The following SLC9B2 variants were observed in gnomAD, a reference collection of about 807,000 sequenced individuals.
SLC9B2 encodes the protein solute carrier family 9 member B2.
Under a neutral mutation model 52.2 loss-of-function variants are expected in SLC9B2, and 39 were observed. The ratio of observed to expected loss-of-function variants is 0.75; its 90% confidence interval spans 0.58 to 0.98. The LOEUF (loss-of-function observed/expected upper bound fraction) is 0.98. SLC9B2 is among the 50% of genes least tolerant of loss of function. SLC9B2 has a pLI of 0.00. For synonymous variants in SLC9B2, 214 were observed against 227.0 expected (o/e 0.94, Z 0.51); for missense variants, 626 against 637.5 (o/e 0.98, Z 0.19).
At chr4:103,034,592 A>G (rs573201997) in intron 9 of SLC9B2, among the ~76,000 whole-genome samples, 1 of 152,196 alleles carries the variant, frequency 6.6e-6, no homozygotes, top group Admixed American at 6.6e-5. Flanking sequence ...TAAGAAACTC[A>G]AACAAATCAA....
chr4:103,029,590 G>C (rs1045289396), intron 10 of SLC9B2, among the ~76,000 whole-genome samples: 1 of 152,104 alleles, frequency 6.6e-6, no homozygotes, highest in East Asian at 1.9e-4. Context: ...AACATACACA[G>C]CTACTCCATT....
chr4:103,071,181 GATATAT>G (rs1000501906), intron 1 of SLC9B2, among the ~76,000 whole-genome samples: 1 of 150,688 alleles, frequency 6.6e-6, no homozygotes, highest in Non-Finnish European at 1.5e-5. Flanking sequence ...TATGTAATTT[GATATAT>G]ATATATATTT....
At chr4:103,050,895 G>A (rs1413646949) in intron 4 of SLC9B2, among the ~76,000 whole-genome samples, 1 of 152,208 alleles carries the variant, frequency 6.6e-6, no homozygotes, top group Non-Finnish European at 1.5e-5. Flanking sequence ...GTCAGCTGGT[G>A]ACTCTTCTTT....
chr4:103,065,526 T>G, intron 3 of SLC9B2: 1 of 152,156 alleles, frequency 6.6e-6, no homozygotes, highest in South Asian at 2.1e-4. Context: ...TAAAATAAAT[T>G]TTAAGTCTCA....
At chr4:103,058,959 C>G (rs374646926) in intron 3 of SLC9B2, among the ~76,000 whole-genome samples, 1 of 151,784 alleles carries the variant, frequency 6.6e-6, no homozygotes, top group Admixed American at 6.6e-5. Context: ...CCCAGCTACT[C>G]GGGAAGCTGA....
At chr4:103,019,840 T>C (rs1741667365), downstream of SLC9B2, 1 of 985,808 alleles carries the variant, frequency 1.0e-6, no homozygotes. Context: ...TTCTGTCTAT[T>C]GAACCCTTTC....
At chr4:103,043,763 T>C (rs7656817) in intron 8 of SLC9B2, among the ~76,000 whole-genome samples, 1 of 152,202 alleles carries the variant, frequency 6.6e-6, no homozygotes, top group African/African-American at 2.4e-5. Context: ...GTTAAATTTA[T>C]AGTTTTTATA....
chr4:103,058,228 C>G (rs1160753754), intron 3 of SLC9B2, among the ~76,000 whole-genome samples: 4 of 152,162 alleles, frequency 2.6e-5, no homozygotes, highest in Admixed American at 1.3e-4. Context: ...CAGAAGGAAC[C>G]ATTATTTTGA....
At chr4:103,027,263 C>T (rs1742306965) in intron 11 of SLC9B2, among the ~76,000 whole-genome samples, 1 of 152,084 alleles carries the variant, frequency 6.6e-6, no homozygotes, top group Non-Finnish European at 1.5e-5. Flanking sequence ...CTCCTTTTAT[C>T]TTTAGGAATG....
At chr4:103,073,204 G>A (rs1375521822) in intron 1 of SLC9B2, among the ~76,000 whole-genome samples, 2 of 152,100 alleles carry the variant, frequency 1.3e-5, no homozygotes, top group Non-Finnish European at 2.9e-5. Flanking sequence ...TAACAAAAAT[G>A]GACTAAGACA....
At chr4:103,056,584 T>C (rs984243299) in intron 4 of SLC9B2, among the ~76,000 whole-genome samples, 1 of 152,234 alleles carries the variant, frequency 6.6e-6, no homozygotes, top group Non-Finnish European at 1.5e-5. Flanking sequence ...GGTGTGCTGG[T>C]AAATGCTTAA....
intron 4 of SLC9B2, among the ~76,000 whole-genome samples, chr4:103,055,132 G>T (rs113652069): frequency 1.6e-4 from 24 of 151,540 alleles, no homozygotes; most frequent in Admixed American, 7.9e-4. Context: ...GCAAACTATT[G>T]CAAGGACAAA....
At position 103,043,446 on chromosome 4, in the gene SLC9B2, C is replaced by G. The variant is rs189641708; in HGVS notation, c.997-1G>C. 3.2e-6 allele frequency: 5 copies of G among 1,587,074 alleles called. No homozygotes were observed. Among genetic ancestry groups the G allele is most frequent in the Non-Finnish European group, 4.3e-6 (5 of 1,170,812 alleles). On this transcript the variant is annotated splice_acceptor_variant, in intron 8 of 11. Coordinates refer to ENST00000394785, the MANE Select transcript of SLC9B2 (RefSeq NM_178833.7). LOFTEE classifies it high-confidence loss of function. ...ATGTTCTCTTACACACAAGTTTGTC[C>G]TTTAGGAGAAAAAAATTCATTTGCT... is the stretch of plus-strand genomic sequence containing the variant.
intron 1 of SLC9B2, among the ~76,000 whole-genome samples, chr4:103,072,438 G>C (rs753671335): frequency 2.0e-5 from 3 of 152,194 alleles, no homozygotes; most frequent in Non-Finnish European, 4.4e-5. Context: ...CGACTAAGGT[G>C]GCGCTGCAGG....
At chr4:103,029,113 T>C (rs1392023847) in intron 10 of SLC9B2, among the ~76,000 whole-genome samples, 1 of 152,178 alleles carries the variant, frequency 6.6e-6, no homozygotes, top group Non-Finnish European at 1.5e-5. Flanking sequence ...ATTAAGCATA[T>C]TTGAATTCTT....
intron 6 of SLC9B2, among the ~76,000 whole-genome samples, chr4:103,047,440 C>A (rs567449413): frequency 1.3e-5 from 2 of 149,954 alleles, no homozygotes; most frequent in East Asian, 2.0e-4. Flanking sequence ...ATGTGTACAA[C>A]GTGCAGGTTT....
At chr4:103,021,304 G>A (rs1741776369), downstream of SLC9B2, among the ~76,000 whole-genome samples, 1 of 152,100 alleles carries the variant, frequency 6.6e-6, no homozygotes, top group Non-Finnish European at 1.5e-5. Flanking sequence ...AGGCCAGAGG[G>A]CTCAGGCTGG....
rs147474994 is a variant in SLC9B2 at position 103,045,881 on chromosome 4, G to A, written c.890-885C>T. The stretch of plus-strand genomic sequence containing the variant: ...CAGGTAATTCTAGTGTGATGGTAAG[G>A]CTGAGAACAATTGTTTTAAAGGTAT... On this transcript the variant is annotated intron_variant, in intron 7 of 11. Transcript: ENST00000394785. Among the ~76,000 whole-genome samples the A allele has an allele frequency of 8.2e-3, 1,253 of 152,220 alleles. 68 individuals are homozygous for A. The highest frequency in any genetic ancestry group is 0.072 in the Admixed American group (1,096 of 15,270).
Position 103,057,988 on chromosome 4 carries a change from A to C in SLC9B2, c.272-17T>G, listed in dbSNP as rs781351959. 6.3e-7 allele frequency: 1 copy of C among 1,594,502 alleles called. No homozygotes were observed. The highest frequency in any genetic ancestry group is 1.1e-5 in the South Asian group (1 of 86,996). On this transcript the variant is annotated splice_polypyrimidine_tract_variant and intron_variant, in intron 3 of 11. Coordinates refer to ENST00000394785, the MANE Select transcript of SLC9B2 (RefSeq NM_178833.7). ...TGATGGTAACTGAAATAAACCAGGA[A>C]TACTAGTTACTATCAATAAGTTGTC...
Sources: gnomAD v4.1 joint callset for allele counts (sites outside exome capture counted in the v4.1 genomes callset) on GRCh38, gnomAD v4.1.1 for gene constraint, MANE v1.5 for transcripts, NCBI Gene and HGNC (gene_info 2026-07-23, HGNC 2026-07-21) for gene names.